The following RETREG1 variants were observed in gnomAD, a reference collection of about 807,000 sequenced individuals.
RETREG1 encodes the protein reticulophagy regulator 1.
RETREG1 carries 44 observed loss-of-function variants against 54.8 expected under a neutral mutation model. The observed-to-expected ratio is 0.80, with a 90% CI of 0.63 to 1.03. The LOEUF (loss-of-function observed/expected upper bound fraction) is 1.03, where lower values mean the gene tolerates loss of function less well. RETREG1 is among the 50% of genes least tolerant of loss of function. The probability of loss-of-function intolerance (pLI) is 0.00; values close to 1 mark genes in which losing one functional copy is unlikely to be tolerated. For synonymous variants in RETREG1, 217 were observed against 238.5 expected (o/e 0.91, Z 0.83); for missense variants, 554 against 605.1 (o/e 0.92, Z 0.89).
chr5:16,510,301 G>A (rs1161446346), intron 3 of RETREG1, among the ~76,000 whole-genome samples: 1 of 152,100 alleles, frequency 6.6e-6, no homozygotes, highest in Non-Finnish European at 1.5e-5. Context: ...AACTGGGTGT[G>A]GTTACTCAGA....
At chr5:16,529,379 TA>T (rs1740840897) in intron 3 of RETREG1, among the ~76,000 whole-genome samples, 4 of 152,242 alleles carry the variant, frequency 2.6e-5, no homozygotes, top group Admixed American at 1.3e-4. Context: ...CGTTGTTTTT[TA>T]CCGCATTGGC....
intron 3 of RETREG1, among the ~76,000 whole-genome samples, chr5:16,528,934 C>T (rs954866981): frequency 6.6e-6 from 1 of 151,990 alleles, no homozygotes; most frequent in Non-Finnish European, 1.5e-5. Context: ...ATTTACATAC[C>T]CTCACCCACA....
At chr5:16,528,830 C>T (rs1740820390) in intron 3 of RETREG1, among the ~76,000 whole-genome samples, 1 of 152,172 alleles carries the variant, frequency 6.6e-6, no homozygotes, top group Non-Finnish European at 1.5e-5. Context: ...CATACAGTGC[C>T]TGCCACAATA....
At chr5:16,528,561 C>G (rs959772340) in intron 3 of RETREG1, among the ~76,000 whole-genome samples, 1 of 152,150 alleles carries the variant, frequency 6.6e-6, no homozygotes, top group African/African-American at 2.4e-5. Context: ...AGGAGTGAGA[C>G]CTGTCCCAGG....
At chr5:16,604,184 T>C (rs965207992) in intron 1 of RETREG1, among the ~76,000 whole-genome samples, 2 of 152,210 alleles carry the variant, frequency 1.3e-5, no homozygotes, top group African/African-American at 2.4e-5. Flanking sequence ...AATTACGCTC[T>C]GATTACACCC....
intron 2 of RETREG1, among the ~76,000 whole-genome samples, chr5:16,570,435 A>G (rs1742144054): frequency 6.6e-6 from 1 of 152,228 alleles, no homozygotes; most frequent in Admixed American, 6.5e-5. Context: ...TCTATTCCTT[A>G]TAACTTGTGC....
intron 3 of RETREG1, among the ~76,000 whole-genome samples, chr5:16,524,915 C>T (rs2596383): frequency 0.19 from 1,757 of 9,042 alleles, 7 homozygotes; most frequent in Middle Eastern, 0.29. Context: ...TGGATGTGCG[C>T]GGGGGACACT....
At chr5:16,538,834 G>A (rs1579663189) in intron 3 of RETREG1, among the ~76,000 whole-genome samples, 1 of 151,990 alleles carries the variant, frequency 6.6e-6, no homozygotes, top group South Asian at 2.1e-4. Context: ...CCTCCCGAGT[G>A]GCTGGGACTA....
At chr5:16,475,355 T>C in intron 8 of RETREG1, 121 bp from the exon 9 acceptor site, 1 of 1,082,324 alleles carries the variant, frequency 9.2e-7, no homozygotes, top group Non-Finnish European at 1.4e-6. Context: ...TCATCTAGCC[T>C]CCTGGGTCAA....
chr5:16,531,993 C>G (rs1740930995), intron 3 of RETREG1, among the ~76,000 whole-genome samples: 1 of 152,128 alleles, frequency 6.6e-6, no homozygotes, highest in Admixed American at 6.5e-5. Flanking sequence ...GCAGACATTG[C>G]TGGAATAGAG....
intron 3 of RETREG1, among the ~76,000 whole-genome samples, chr5:16,513,879 T>C (rs1740262049): frequency 6.6e-6 from 1 of 152,248 alleles, no homozygotes; most frequent in African/African-American, 2.4e-5. Context: ...CTTGTCATGA[T>C]CTTTGATGAG....
At chr5:16,599,654 A>T (rs924628941) in intron 1 of RETREG1, among the ~76,000 whole-genome samples, 2 of 152,164 alleles carry the variant, frequency 1.3e-5, no homozygotes, top group African/African-American at 2.4e-5. Context: ...GAAGCAACAG[A>T]CTGCTCTCTG....
At position 16,572,080 on chromosome 5, in the gene RETREG1, T is replaced by C. The variant is rs1265917411; in HGVS notation, c.343A>G (p.Arg115Gly). 2 of 1,613,496 alleles carry C rather than the reference T, an allele frequency of 1.2e-6. No homozygotes were observed. Among genetic ancestry groups the C allele is most frequent in the Non-Finnish European group, 1.7e-6 (2 of 1,179,422 alleles). The change falls in exon 2 of 9, where the codon AGA becomes GGA. Residue 115 changes from arginine (R) to glycine (G), a missense_variant. Arg to Gly is a moderately radical substitution (Grantham distance 125). This residue lies in a region of RETREG1 where 347 missense variants were observed against 412.3 expected (regional missense o/e 0.84). Transcript: ENST00000306320. Reference sequence around the variant, plus strand: ...ATGACGGAAATCAGGTGATATACTCTCCATGGAGTCAATGCAAGGAACCTG... The same window carrying C: ...ATGACGGAAATCAGGTGATATACTCCCCATGGAGTCAATGCAAGGAACCTG... ...LFWFLALTPW[R>G]VYHLISVMIL... is the part of the protein sequence containing the mutation.
chr5:16,474,707 G>GTTTTTTTT lies in RETREG1; in HGVS notation c.*33_*34insAAAAAAAA. The GTTTTTTTT allele has an allele frequency of 7.3e-7, 1 of 1,372,060 alleles. No homozygotes were observed. The highest frequency in any genetic ancestry group is 9.6e-7 in the Non-Finnish European group (1 of 1,045,984). 85.0% of individuals were successfully genotyped at this position (1,372,060 alleles called of 1,614,324 possible). On this transcript the variant is annotated 3_prime_UTR_variant, in exon 9 of 9. Transcript: ENST00000306320. ...TTTTCTTGTTTGAAATTTTTTTGGT[G>GTTTTTTTT]TTTTTTGTGCTCTGTTGCAAGCTGA...
At chr5:16,509,493 G>C (rs1237957513) in intron 3 of RETREG1, 2 of 152,146 alleles carry the variant, frequency 1.3e-5, no homozygotes, top group South Asian at 4.1e-4. Context: ...TCACTGAAGA[G>C]AGCCATCCCT....
At chr5:16,565,904 A>G (rs1225234230) in intron 2 of RETREG1, 111 bp from the exon 3 acceptor site, 7 of 1,152,498 alleles carry the variant, frequency 6.1e-6, no homozygotes, top group Non-Finnish European at 8.8e-6. Flanking sequence ...TCAGATCTCT[A>G]ACACTCAGGA....
intron 4 of RETREG1, 87 bp from the exon 5 acceptor site, chr5:16,481,180 T>G: frequency 5.0e-6 from 5 of 998,338 alleles, no homozygotes; most frequent in Non-Finnish European, 6.3e-6. Flanking sequence ...TGTAAATCTA[T>G]AGTGACCGGT....
At chr5:16,519,779 C>A (rs780813072) in intron 3 of RETREG1, among the ~76,000 whole-genome samples, 16 of 152,216 alleles carry the variant, frequency 1.1e-4, no homozygotes, top group Non-Finnish European at 2.2e-4. Context: ...TTAACAGGCC[C>A]CCTCTCCGTG....
chr5:16,557,092 A>G (rs1741730330), intron 3 of RETREG1, among the ~76,000 whole-genome samples: 1 of 152,208 alleles, frequency 6.6e-6, no homozygotes, highest in Non-Finnish European at 1.5e-5. Flanking sequence ...GGCCTCCCAT[A>G]GTGCTGGCAT....
Sources: gnomAD v4.1 joint callset for allele counts (sites outside exome capture counted in the v4.1 genomes callset) on GRCh38, gnomAD v4.1.1 for gene constraint, gnomAD v4.1.1 regional missense constraint, MANE v1.5 for transcripts, NCBI Gene and HGNC (gene_info 2026-07-23, HGNC 2026-07-21) for gene names.